MCOLN2: variants seen among roughly 807,000 people sequenced by gnomAD.
The protein encoded by MCOLN2 is mucolipin-2.
MCOLN2 carries 57 observed loss-of-function variants against 67.5 expected under a neutral mutation model. The ratio of observed to expected loss-of-function variants is 0.84; its 90% CI spans 0.68 to 1.05. The LOEUF is 1.05. MCOLN2 is among the 50% of genes least tolerant of loss of function. The pLI, the probability that MCOLN2 is intolerant of heterozygous loss-of-function variation, is 0.00. For missense variants in MCOLN2, 620 were observed against 678.8 expected (o/e 0.91, Z 0.96); for synonymous variants, 246 against 233.3 (o/e 1.05, Z -0.50).
intron 11 of MCOLN2, among the ~76,000 whole-genome samples, chr1:84,933,371 G>A (rs914723923): frequency 8.5e-5 from 13 of 152,054 alleles, no homozygotes; most frequent in Admixed American, 5.2e-4. Context: ...GTCTACAAAC[G>A]CACCCCAAAC....
chr1:84,929,672 TG>T lies in MCOLN2; in HGVS notation c.1549del (p.Gln517AsnfsTer14), dbSNP rs1243564967. On this transcript the variant is annotated frameshift_variant, in exon 13 of 14. Transcript: ENST00000370608. LOFTEE classifies it high-confidence loss of function. Reference protein sequence around the residue: ...TDSYDTIKKFQQNGFPETDLQ... With the variant: ...TDSYDTIKKFXQNGFPETDLQ... The stretch of plus-strand genomic sequence containing the variant: ...ATCCGTTTCAGGAAACCCATTCTGT[TG>T]GAATTTCTTTAGAAAGTACACAATG... The T allele has an allele frequency of 1.9e-6, 3 of 1,612,906 alleles. No homozygotes were observed. The highest frequency in any genetic ancestry group is 2.5e-6 in the Non-Finnish European group (3 of 1,179,262).
intron 6 of MCOLN2, among the ~76,000 whole-genome samples, chr1:84,951,256 T>C (rs1307964818): frequency 6.6e-6 from 1 of 152,226 alleles, no homozygotes; most frequent in African/African-American, 2.4e-5. Context: ...TAGTATGGAC[T>C]CATTAAGTAT....
intron 1 of MCOLN2, among the ~76,000 whole-genome samples, chr1:84,979,592 GATGCTGAAA>G (rs1650159021): frequency 6.6e-6 from 1 of 152,172 alleles, no homozygotes; most frequent in Non-Finnish European, 1.5e-5. Flanking sequence ...CATTTCAATT[GATGCTGAAA>G]AAGCATTTGA....
intron 2 of MCOLN2, among the ~76,000 whole-genome samples, chr1:84,960,229 C>T (rs517156): frequency 0.058 from 8,751 of 152,050 alleles, 870 homozygotes; most frequent in African/African-American, 0.2. Context: ...ACATGCAGTG[C>T]CTCATTTACC....
chr1:84,933,385 G>T (rs1475437408), intron 11 of MCOLN2, among the ~76,000 whole-genome samples: 5 of 152,056 alleles, frequency 3.3e-5, no homozygotes, highest in Non-Finnish European at 7.4e-5. Flanking sequence ...CCCAAACAAG[G>T]ATCCCACCCA....
chr1:84,930,093 T>C (rs1661338292), intron 12 of MCOLN2, among the ~76,000 whole-genome samples: 1 of 151,946 alleles, frequency 6.6e-6, no homozygotes. Flanking sequence ...TGAGACCCCA[T>C]CTCTACAAAA....
intron 10 of MCOLN2, 30 bp downstream of exon 10, chr1:84,937,950 GC>G: frequency 6.2e-7 from 1 of 1,612,320 alleles, no homozygotes. Flanking sequence ...AGTCTCAACT[GC>G]AGTGGCACTA....
intron 1 of MCOLN2, among the ~76,000 whole-genome samples, chr1:84,987,394 GTATA>G (rs1205475575): frequency 2.0e-4 from 24 of 121,454 alleles, no homozygotes; most frequent in African/African-American, 7.6e-4. Flanking sequence ...ATATACATAT[GTATA>G]TAGATATATT....
intron 1 of MCOLN2, among the ~76,000 whole-genome samples, chr1:84,967,001 AAAG>A (rs1396862984): frequency 2.6e-5 from 4 of 152,246 alleles, no homozygotes; most frequent in African/African-American, 9.6e-5. Context: ...ATAACACATA[AAAG>A]TAGTATCCAG....
chr1:84,981,406 G>A (rs1256524667), intron 1 of MCOLN2, among the ~76,000 whole-genome samples: 2 of 152,154 alleles, frequency 1.3e-5, no homozygotes, highest in East Asian at 3.8e-4. Context: ...GAAGCAATCT[G>A]TATGTCCATC....
At chr1:84,959,679 T>A (rs368129817) in intron 2 of MCOLN2, among the ~76,000 whole-genome samples, 1 of 152,128 alleles carries the variant, frequency 6.6e-6, no homozygotes, top group African/African-American at 2.4e-5. Context: ...CCCACCTCCC[T>A]AAGTGATTTC....
intron 1 of MCOLN2, among the ~76,000 whole-genome samples, chr1:84,987,448 A>G (rs1364242644): frequency 3.1e-5 from 4 of 128,008 alleles, no homozygotes; most frequent in East Asian, 2.2e-4. Context: ...AGATATATAC[A>G]TATATACATA....
At chr1:84,949,088 C>T (rs900787754) in intron 6 of MCOLN2, among the ~76,000 whole-genome samples, 11 of 152,190 alleles carry the variant, frequency 7.2e-5, no homozygotes, top group Admixed American at 6.5e-5. Flanking sequence ...TGAGATCACA[C>T]CACTGCACTC....
chr1:84,950,115 A>T (rs650357), intron 6 of MCOLN2, among the ~76,000 whole-genome samples: 35,924 of 152,146 alleles, frequency 0.24, 4,391 homozygotes, highest in South Asian at 0.3. Context: ...AACAAACACA[A>T]GTACAATTAG....
intron 4 of MCOLN2, 42 bp downstream of exon 4, chr1:84,956,389 A>G (rs758247984): frequency 1.3e-6 from 2 of 1,589,946 alleles, no homozygotes; most frequent in South Asian, 2.3e-5. Context: ...TGCTCTTACC[A>G]GAAGACGATA....
chr1:84,977,458 GA>G (rs34278299), intron 1 of MCOLN2, among the ~76,000 whole-genome samples: 57,071 of 150,130 alleles, frequency 0.38, 10,991 homozygotes, highest in African/African-American at 0.43. Context: ...CTAAATGGAT[GA>G]AAAAAAAACC....
chr1:84,976,657 T>C (rs1650007914), intron 1 of MCOLN2, among the ~76,000 whole-genome samples: 1 of 152,056 alleles, frequency 6.6e-6, no homozygotes, highest in Non-Finnish European at 1.5e-5. Flanking sequence ...TCCCAGCTAC[T>C]GGGGAGGCTG....
chr1:84,979,217 T>C (rs1330572123), intron 1 of MCOLN2, among the ~76,000 whole-genome samples: 1 of 152,146 alleles, frequency 6.6e-6, no homozygotes, highest in Admixed American at 6.6e-5. Flanking sequence ...ATATTAACCA[T>C]CACAGCTTCA....
At chr1:84,980,658 C>G (rs1442925702) in intron 1 of MCOLN2, among the ~76,000 whole-genome samples, 1 of 152,124 alleles carries the variant, frequency 6.6e-6, no homozygotes, top group African/African-American at 2.4e-5. Context: ...TATCTATCAC[C>G]ATATACAAAA....
Sources: gnomAD v4.1 joint callset for allele counts (sites outside exome capture counted in the v4.1 genomes callset) on GRCh38, gnomAD v4.1.1 for gene constraint, MANE v1.5 for transcripts, NCBI Gene and HGNC (gene_info 2026-07-23, HGNC 2026-07-21) for gene names.